Variants in KANK4 observed in about 807,000 individuals in gnomAD.
KANK4 encodes the protein KN motif and ankyrin repeat domain-containing protein 4.
In KANK4, 50 loss-of-function variants were observed where a neutral mutation model predicts 80.8. The ratio of observed to expected loss-of-function variants is 0.62; its 90% CI spans 0.49 to 0.78. KANK4 has a LOEUF of 0.78. Among genes scored for constraint, KANK4 ranks in the 30% least tolerant of loss-of-function variants. The probability of loss-of-function intolerance (pLI) is 0.00; values close to 1 mark genes in which losing one functional copy is unlikely to be tolerated. For missense variants in KANK4, 1,196 were observed against 1,240.1 expected, an observed-to-expected ratio of 0.96 and a Z score of 0.53; for synonymous variants, 465 against 506.9, an observed-to-expected ratio of 0.92 and a Z score of 1.11.
chr1:62,239,406 A>G (rs1354409074), intron 9 of KANK4, among the ~76,000 whole-genome samples: 1 of 152,176 alleles, frequency 6.6e-6, no homozygotes. Context: ...GAAATATTCC[A>G]TAACTTCCTT....
At chr1:62,296,311 C>T (rs1644363353) in intron 1 of KANK4, among the ~76,000 whole-genome samples, 1 of 152,136 alleles carries the variant, frequency 6.6e-6, no homozygotes, top group Non-Finnish European at 1.5e-5. Flanking sequence ...GTTCTTCACT[C>T]CCTCACCTCC....
chr1:62,288,511 G>A (rs1672615813), intron 1 of KANK4, among the ~76,000 whole-genome samples: 2 of 152,214 alleles, frequency 1.3e-5, no homozygotes, highest in Admixed American at 1.3e-4. Context: ...GAGCCTCTCT[G>A]AGCAGACTGG....
chr1:62,281,422 C>A lies in KANK4; in HGVS notation c.16+127G>T. 3 of 1,127,826 alleles carry A rather than the reference C, an allele frequency of 2.7e-6. No individual in the cohort carries two copies. The South Asian group carries it at 3.7e-5, about 14-fold the overall frequency. 69.9% of individuals were successfully genotyped at this position (1,127,826 alleles called of 1,614,324 possible). A position where few individuals can be genotyped will look rare whatever the true frequency, so the allele number is the denominator to read the frequency against. On this transcript the variant is annotated intron_variant, in intron 2 of 9. Transcript: ENST00000371153. Reference sequence around the variant, plus strand: ...ATCTGAAATACATGCTTGAGCCTACCAGCACTGCCTGTTTGAGGGATATCT... The same window carrying A: ...ATCTGAAATACATGCTTGAGCCTACAAGCACTGCCTGTTTGAGGGATATCT...
At position 62,274,185 on chromosome 1, in the gene KANK4, T is replaced by G; in HGVS notation, c.919A>C (p.Ile307Leu). 13 of 1,614,148 alleles carry G rather than the reference T, an allele frequency of 8.1e-6. No homozygotes were observed. The highest frequency in any genetic ancestry group is 1.1e-5 in the Non-Finnish European group (13 of 1,180,032). The change falls in exon 3 of 10, where the codon ATC (isoleucine) becomes CTC (leucine). Residue 307 changes from isoleucine to leucine, a missense_variant. Physicochemically the swap from Ile to Leu is conservative, Grantham distance 5. Around this residue, in one of 3 missense-constraint regions of KANK4, gnomAD observed 1,154 missense variants for 1,179.6 expected, o/e 0.98. Coordinates refer to ENST00000371153, the MANE Select transcript of KANK4 (RefSeq NM_181712.5). The stretch of plus-strand genomic sequence containing the variant: ...GGTGGCGGGGGTGGAATCTCGCTGA[T>G]GTTGAGCTCGATTTCTTCCAGGAGG... ...ELLLEEIELN[I>L]SEIPPPPPVE...
chr1:62,248,547 GT>G (rs11349497), intron 8 of KANK4, among the ~76,000 whole-genome samples: 86,183 of 136,518 alleles, frequency 0.63, 26,504 homozygotes, highest in East Asian at 0.82. Flanking sequence ...TAGTTTTTTT[GT>G]TTTTTTTTTT....
rs778849688 is a variant in KANK4 at position 62,274,168 on chromosome 1, G to A, written c.936C>T (p.Pro312=). ...EIELNISEIP[P]PPPVEVDMRS... ...TCATGTCCACCTCTACAGGTGGCGG[G>A]GGTGGAATCTCGCTGATGTTGAGCT... The change falls in exon 3 of 10, where the codon CCC becomes CCT. Residue 312 remains proline, a synonymous_variant. Coordinates refer to ENST00000371153, the MANE Select transcript of KANK4 (RefSeq NM_181712.5). 1 of 1,614,190 alleles carries A rather than the reference G, an allele frequency of 6.2e-7. No individual in the cohort carries two copies. The highest frequency in any genetic ancestry group is 2.2e-5 in the East Asian group (1 of 44,878).
In KANK4 at chr1:62,238,124, A is replaced by G; in HGVS notation, c.*153T>C. ...AAAACTACAAAGCATCCTAATGAGC[A>G]GAATTATACAACAGGAATGTATGTG... On this transcript the variant is annotated 3_prime_UTR_variant, in exon 10 of 10. Coordinates refer to ENST00000371153, the MANE Select transcript of KANK4 (RefSeq NM_181712.5). The G allele has an allele frequency of 1.8e-6, 1 of 568,002 alleles. No individual in the cohort carries two copies. The highest frequency in any genetic ancestry group is 3.2e-6 in the Non-Finnish European group (1 of 315,094). 35.2% of individuals were successfully genotyped at this position (568,002 alleles called of 1,614,324 possible). A position where few individuals can be genotyped will look rare whatever the true frequency, so the allele number is the denominator to read the frequency against.
At chr1:62,247,699 T>C (rs1447875854) in intron 8 of KANK4, 27 bp from the exon 9 acceptor site, 9 of 1,607,026 alleles carry the variant, frequency 5.6e-6, no homozygotes, top group South Asian at 1.1e-5. Flanking sequence ...AGGGATGTGG[T>C]GAGGTTGCTG....
chr1:62,244,199 AT>A (rs370676636), intron 9 of KANK4, among the ~76,000 whole-genome samples: 368 of 137,808 alleles, frequency 2.7e-3, no homozygotes, highest in Middle Eastern at 7.4e-3. Flanking sequence ...TTTATTTTTT[AT>A]TTTTTTTTTT....
intron 6 of KANK4, among the ~76,000 whole-genome samples, chr1:62,265,943 C>T (rs1234506608): frequency 1.3e-5 from 2 of 152,202 alleles, no homozygotes; most frequent in East Asian, 3.8e-4. Context: ...ATGCCATCCA[C>T]CACCTTCATT....
At chr1:62,262,981 A>G (rs1189711632) in intron 7 of KANK4, 111 bp downstream of exon 7, 1 of 782,978 alleles carries the variant, frequency 1.3e-6, no homozygotes, top group Non-Finnish European at 2.2e-6. Context: ...CATCCATGTA[A>G]CCAAAAACCA....
rs1672241976 is a variant in KANK4 at position 62,274,078 on chromosome 1, G to C, written c.1026C>G (p.Ile342Met). The C allele has an allele frequency of 1.2e-6, 2 of 1,614,204 alleles. No homozygotes were observed. Among genetic ancestry groups the C allele is most frequent in the East Asian group, 4.5e-5 (2 of 44,874 alleles). The change falls in exon 3 of 10, where the codon ATC (isoleucine) becomes ATG (methionine). Residue 342 changes from isoleucine to methionine, a missense_variant. By Grantham distance (10) the Ile-to-Met change is conservative. Coordinates refer to ENST00000371153, the MANE Select transcript of KANK4 (RefSeq NM_181712.5). ...LGLARVDPGS[I>M]SSLKQQVSAL... is the part of the protein sequence containing the mutation. The stretch of plus-strand genomic sequence containing the variant: ...CCGAGACCTGCTGTTTCAGGCTGGA[G>C]ATGCTGCCTGGATCCACCCTGGCAA...
chr1:62,239,147 C>T (rs1671280535), intron 9 of KANK4, among the ~76,000 whole-genome samples: 1 of 152,068 alleles, frequency 6.6e-6, no homozygotes, highest in Non-Finnish European at 1.5e-5. Context: ...AGTGGCCCAC[C>T]CACATTGGCT....
intron 1 of KANK4, among the ~76,000 whole-genome samples, chr1:62,301,560 G>T (rs578019451): frequency 6.6e-6 from 1 of 152,068 alleles, no homozygotes. Context: ...AAAGCACAAA[G>T]ATTAAGGGTG....
chr1:62,264,190 G>C (rs1026574975), intron 6 of KANK4, among the ~76,000 whole-genome samples: 4 of 152,162 alleles, frequency 2.6e-5, no homozygotes, highest in African/African-American at 9.7e-5. Flanking sequence ...GGCCGAGGCG[G>C]GTATATCACC....
chr1:62,270,893 CTTTA>C (rs1267327267), intron 4 of KANK4, among the ~76,000 whole-genome samples: 1 of 152,064 alleles, frequency 6.6e-6, no homozygotes, highest in Non-Finnish European at 1.5e-5. Flanking sequence ...AGGCAGAGAC[CTTTA>C]TTTATTTGAC....
Position 62,273,990 on chromosome 1 carries a change from G to T in KANK4, c.1114C>A (p.Gln372Lys). 4 of 1,614,162 alleles carry T rather than the reference G, an allele frequency of 2.5e-6. No individual in the cohort carries two copies. The highest frequency in any genetic ancestry group is 3.4e-6 in the Non-Finnish European group (4 of 1,180,048). The change falls in exon 3 of 10, where the codon CAG becomes AAG. Residue 372 changes from glutamine (Q) to lysine (K), a missense_variant. Physicochemically the swap from Gln to Lys is moderately conservative, Grantham distance 53. Around this residue, in one of 3 missense-constraint regions of KANK4, gnomAD observed 1,154 missense variants for 1,179.6 expected, o/e 0.98. Transcript: ENST00000371153. ...CTAGCTTTGATTTCCTCTTCCTGCT[G>T]CTGGAGAGCAGTTCTGACCTGTGCC... Reference protein sequence around the residue: ...ELAQVRTALQQQEEEIKAREQ... With the variant: ...ELAQVRTALQKQEEEIKAREQ...
At chr1:62,241,322 G>C (rs961090396) in intron 9 of KANK4, among the ~76,000 whole-genome samples, 5 of 152,116 alleles carry the variant, frequency 3.3e-5, no homozygotes, top group Non-Finnish European at 5.9e-5. Context: ...GCCAGGGCGG[G>C]GTAGAAGATG....
At chr1:62,264,056 A>C (rs1671959457) in intron 6 of KANK4, among the ~76,000 whole-genome samples, 1 of 152,128 alleles carries the variant, frequency 6.6e-6, no homozygotes. Flanking sequence ...GATTATGATA[A>C]ATGATTGCAT....
Sources: allele counts gnomAD v4.1 joint callset (sites outside exome capture counted in the v4.1 genomes callset), GRCh38; gene constraint gnomAD v4.1.1; regional missense constraint gnomAD v4.1.1; transcripts MANE v1.5; gene names NCBI Gene and HGNC (gene_info 2026-07-23, HGNC 2026-07-21).